The following AGK variants were observed in gnomAD, a reference collection of about 807,000 sequenced individuals.
The protein encoded by AGK is acylglycerol kinase, mitochondrial.
Under a neutral mutation model 66.4 loss-of-function variants are expected in AGK, and 52 were observed. The ratio of observed to expected loss-of-function variants is 0.78; its 90% confidence interval spans 0.63 to 0.99. The LOEUF (loss-of-function observed/expected upper bound fraction) is 0.99, where lower values mean the gene tolerates loss of function less well. Ranked by LOEUF, AGK falls within the 50% of genes least tolerant of loss-of-function variation. The pLI is 0.00. For missense variants in AGK, 451 were observed against 506.6 expected, an observed-to-expected ratio of 0.89 and a Z score of 1.05; for synonymous variants, 182 against 181.1, an observed-to-expected ratio of 1.00 and a Z score of -0.04.
At chr7:141,564,454 A>G (rs1795422239) in intron 2 of AGK, among the ~76,000 whole-genome samples, 1 of 150,516 alleles carries the variant, frequency 6.6e-6, no homozygotes, top group Non-Finnish European at 1.5e-5. Flanking sequence ...TAAAAAAACC[A>G]TCAGATCTTG....
intron 4 of AGK, among the ~76,000 whole-genome samples, chr7:141,600,664 A>G (rs1796322142): frequency 6.6e-6 from 1 of 152,206 alleles, no homozygotes; most frequent in South Asian, 2.1e-4. Flanking sequence ...AGTCCTGACA[A>G]CAGTCTTGGA....
At chr7:141,563,657 T>A (rs565633784) in intron 2 of AGK, among the ~76,000 whole-genome samples, 47 of 152,354 alleles carry the variant, frequency 3.1e-4, no homozygotes, top group Admixed American at 3.1e-3. Flanking sequence ...CTAAACTTTA[T>A]CATCACTTGC....
At chr7:141,561,427 T>C (rs1314590493) in intron 2 of AGK, among the ~76,000 whole-genome samples, 2 of 152,106 alleles carry the variant, frequency 1.3e-5, no homozygotes, top group African/African-American at 4.8e-5. Flanking sequence ...CATGCCAACA[T>C]CTGTTATTTT....
intron 5 of AGK, among the ~76,000 whole-genome samples, 162 bp from the exon 6 acceptor site, chr7:141,611,033 T>A (rs1283428614): frequency 1.3e-5 from 2 of 152,258 alleles, no homozygotes; most frequent in Non-Finnish European, 2.9e-5. Flanking sequence ...GTAACGACTA[T>A]ACATAATTGC....
intron 2 of AGK, among the ~76,000 whole-genome samples, chr7:141,590,154 A>G (rs189698111): frequency 6.6e-6 from 1 of 152,272 alleles, no homozygotes; most frequent in Admixed American, 6.5e-5. Flanking sequence ...GCTACCCCAT[A>G]TTCTTGTGCA....
At position 141,559,238 on chromosome 7, in the gene AGK, T is replaced by A. The variant is rs528119292; in HGVS notation, c.101+3671T>A. On this transcript the variant is annotated intron_variant, in intron 2 of 15. Coordinates refer to ENST00000649286, the MANE Select transcript of AGK (RefSeq NM_018238.4). The stretch of plus-strand genomic sequence containing the variant: ...TTCCCTATGTTTTCTTCTAGGAGTT[T>A]TATATTGGGTCTTACATTTAGGTCT... Among the ~76,000 whole-genome samples the A allele has an allele frequency of 1.2e-4, 19 of 152,320 alleles. No individual in the cohort carries two copies. The East Asian group carries it at 2.9e-3, about 23-fold the overall frequency.
chr7:141,602,172 C>CT (rs1554400550), intron 5 of AGK, among the ~76,000 whole-genome samples: 7 of 73,392 alleles, frequency 9.5e-5, no homozygotes, highest in Non-Finnish European at 2.5e-4. Flanking sequence ...GGGAGATTTT[C>CT]TTGTGTGTGT....
At chr7:141,562,418 G>A (rs1049954590) in intron 2 of AGK, among the ~76,000 whole-genome samples, 1 of 152,182 alleles carries the variant, frequency 6.6e-6, no homozygotes, top group African/African-American at 2.4e-5. Flanking sequence ...AAGCTCCCAA[G>A]AGTTTCTATA....
intron 2 of AGK, among the ~76,000 whole-genome samples, chr7:141,560,425 T>C (rs181148856): frequency 6.6e-6 from 1 of 151,974 alleles, no homozygotes; most frequent in Non-Finnish European, 1.5e-5. Context: ...CTTTTTTTTT[T>C]CCCCCATCAG....
chr7:141,589,932 AG>A (rs1455431065), intron 2 of AGK, among the ~76,000 whole-genome samples: 10 of 152,158 alleles, frequency 6.6e-5, no homozygotes, highest in Non-Finnish European at 4.4e-5. Context: ...GCTCTCTCAC[AG>A]GTGGCATTGA....
intron 2 of AGK, among the ~76,000 whole-genome samples, chr7:141,587,496 C>A (rs761045715): frequency 6.6e-6 from 1 of 152,206 alleles, no homozygotes; most frequent in Non-Finnish European, 1.5e-5. Flanking sequence ...GGTGACCTGG[C>A]CTTTACTGGC....
rs766994767 is a variant in AGK at position 141,651,519 on chromosome 7, T to C, written c.1047-6T>C. 6 of 1,614,046 alleles carry C rather than the reference T, an allele frequency of 3.7e-6. No homozygotes were observed. The highest frequency in any genetic ancestry group is 5.1e-6 in the Non-Finnish European group (6 of 1,179,998). ...GTCTTAAGCTTGCTTTTTCCTGTGC[T>C]CACAGAAGTCGAAAGGTGAGAAACC... On this transcript the variant is annotated splice_region_variant and splice_polypyrimidine_tract_variant and intron_variant, in intron 14 of 15. Coordinates refer to ENST00000649286, the MANE Select transcript of AGK (RefSeq NM_018238.4).
At chr7:141,597,055 G>A (rs1213782579) in intron 4 of AGK, 1 of 160,824 alleles carries the variant, frequency 6.2e-6, no homozygotes, top group East Asian at 1.8e-4. Context: ...AGCTAGACCT[G>A]GGAGGAAGCA....
rs1381399970 is a variant in AGK at position 141,596,546 on chromosome 7, C to T, written c.142-16C>T. On this transcript the variant is annotated splice_polypyrimidine_tract_variant and intron_variant, in intron 3 of 15. Coordinates refer to ENST00000649286, the MANE Select transcript of AGK (RefSeq NM_018238.4). The stretch of plus-strand genomic sequence containing the variant: ...AAATGGACTTTTACTGAAAACTTTG[C>T]TCTTTTCTTTTTTAGGTGTTTGGCA... 6.2e-7 allele frequency: 1 copy of T among 1,611,478 alleles called. No individual in the cohort carries two copies. The highest frequency in any genetic ancestry group is 8.5e-7 in the Non-Finnish European group (1 of 1,178,040).
At chr7:141,629,725 A>C (rs952688623) in intron 9 of AGK, among the ~76,000 whole-genome samples, 6 of 152,086 alleles carry the variant, frequency 3.9e-5, no homozygotes, top group African/African-American at 1.4e-4. Flanking sequence ...ACATCAGTGG[A>C]ACTTTGGGGT....
intron 10 of AGK, among the ~76,000 whole-genome samples, chr7:141,636,445 G>A (rs576212972): frequency 6.6e-6 from 1 of 152,274 alleles, no homozygotes; most frequent in South Asian, 2.1e-4. Flanking sequence ...AAGCAAAACT[G>A]GAATTGGCTG....
chr7:141,606,515 T>A (rs1796464345), intron 5 of AGK, among the ~76,000 whole-genome samples: 1 of 152,160 alleles, frequency 6.6e-6, no homozygotes, highest in African/African-American at 2.4e-5. Flanking sequence ...AGTTTTAGGT[T>A]TAAGGAAGAA....
At chr7:141,628,215 GT>G (rs1796980497) in intron 9 of AGK, among the ~76,000 whole-genome samples, 1 of 152,082 alleles carries the variant, frequency 6.6e-6, no homozygotes, top group Non-Finnish European at 1.5e-5. Flanking sequence ...TCTCTTTTAT[GT>G]TTTTCTTTGA....
rs191856994 is a variant in AGK at position 141,592,984 on chromosome 7, G to A, written c.102-162G>A. 4.0e-5 allele frequency among the ~76,000 whole-genome samples: 6 copies of A among 151,796 alleles called. No homozygotes were observed. In the South Asian group the frequency reaches 8.4e-4, roughly 21 times the overall value. On this transcript the variant is annotated intron_variant, in intron 2 of 15. Coordinates refer to ENST00000649286, the MANE Select transcript of AGK (RefSeq NM_018238.4). ...CTCCCAAAGTGCTGGGATTACAGGCGTGAGCCACCATGCCCGGCCTGTTAT... is the reference window on the plus strand; with the variant it reads ...CTCCCAAAGTGCTGGGATTACAGGCATGAGCCACCATGCCCGGCCTGTTAT...
Sources: gnomAD v4.1 joint callset for allele counts (sites outside exome capture counted in the v4.1 genomes callset) on GRCh38, gnomAD v4.1.1 for gene constraint, MANE v1.5 for transcripts, NCBI Gene and HGNC (gene_info 2026-07-23, HGNC 2026-07-21) for gene names.